Variants in DLC1 observed in about 807,000 individuals in gnomAD.
DLC1 encodes rho GTPase-activating protein 7.
Under a neutral mutation model 140.3 loss-of-function variants are expected in DLC1, and 54 were observed. That is an observed-to-expected ratio of 0.38 (90% confidence interval 0.31 to 0.48). The LOEUF (loss-of-function observed/expected upper bound fraction) is 0.48, where lower values mean the gene tolerates loss of function less well. DLC1 is among the 20% of genes least tolerant of loss of function. The probability of loss-of-function intolerance (pLI) is 0.96; values close to 1 mark genes in which losing one functional copy is unlikely to be tolerated. For synonymous variants in DLC1, 986 were observed against 728.1 expected, an observed-to-expected ratio of 1.35 and a Z score of -5.70; for missense variants, 2,536 against 1,907.0, an observed-to-expected ratio of 1.33 and a Z score of -6.14.
chr8:13,569,209 G>T (rs1804558289), intron 1 of DLC1, among the ~76,000 whole-genome samples: 1 of 152,120 alleles, frequency 6.6e-6, no homozygotes, highest in Admixed American at 6.5e-5. Flanking sequence ...GGAATTAGTG[G>T]CATTACCTGG....
chr8:13,192,593 A>G (rs1466021657), intron 5 of DLC1, among the ~76,000 whole-genome samples: 1 of 152,174 alleles, frequency 6.6e-6, no homozygotes, highest in Non-Finnish European at 1.5e-5. Flanking sequence ...TGTAATTTTC[A>G]TTAATGTTTT....
chr8:13,494,473 A>T (rs1801408551), intron 2 of DLC1, among the ~76,000 whole-genome samples: 1 of 152,088 alleles, frequency 6.6e-6, no homozygotes, highest in African/African-American at 2.4e-5. Flanking sequence ...CTTCCCACTG[A>T]CTTGAATGTA....
intron 5 of DLC1, among the ~76,000 whole-genome samples, chr8:13,205,833 T>C (rs960569818): frequency 6.6e-6 from 1 of 152,158 alleles, no homozygotes; most frequent in African/African-American, 2.4e-5. Context: ...AAAATAATAC[T>C]AATAAGTCAA....
chr8:13,160,898 G>T (rs754877243), intron 5 of DLC1, among the ~76,000 whole-genome samples: 1 of 152,100 alleles, frequency 6.6e-6, no homozygotes, highest in Non-Finnish European at 1.5e-5. Context: ...CCATCATGGC[G>T]GTGAAACCCC....
chr8:13,480,171 A>C (rs1485492542), intron 2 of DLC1, among the ~76,000 whole-genome samples: 2 of 152,204 alleles, frequency 1.3e-5, no homozygotes, highest in Non-Finnish European at 2.9e-5. Context: ...AATATCATCC[A>C]GTTTCTCAAG....
chr8:13,426,755 T>G (rs1329728445), intron 2 of DLC1, among the ~76,000 whole-genome samples: 3 of 151,896 alleles, frequency 2.0e-5, no homozygotes, highest in Non-Finnish European at 4.4e-5. Context: ...GTTCCTGTGT[T>G]TATAGTCCCA....
chr8:13,209,329 A>G (rs182666005), intron 5 of DLC1, among the ~76,000 whole-genome samples: 218 of 152,220 alleles, frequency 1.4e-3, no homozygotes, highest in African/African-American at 4.9e-3. Context: ...TATAATTTTC[A>G]CTATATAAAC....
intron 5 of DLC1, among the ~76,000 whole-genome samples, chr8:13,138,740 T>C (rs1487438308): frequency 2.0e-5 from 3 of 152,184 alleles, no homozygotes; most frequent in Non-Finnish European, 4.4e-5. Context: ...CAATCTGGGT[T>C]CTCCCCCTAC....
intron 2 of DLC1, among the ~76,000 whole-genome samples, chr8:13,426,027 G>C (rs1205789330): frequency 6.6e-6 from 1 of 152,108 alleles, no homozygotes; most frequent in Non-Finnish European, 1.5e-5. Flanking sequence ...TGCCCAGGCT[G>C]CTCTCGAACT....
chr8:13,330,131 A>T (rs990304122), intron 4 of DLC1, among the ~76,000 whole-genome samples: 3 of 152,010 alleles, frequency 2.0e-5, no homozygotes, highest in African/African-American at 7.3e-5. Flanking sequence ...TGTCTGGATA[A>T]TTTTAAATTT....
chr8:13,264,193 C>T (rs1247795926), intron 5 of DLC1, among the ~76,000 whole-genome samples: 4 of 151,886 alleles, frequency 2.6e-5, no homozygotes, highest in African/African-American at 9.7e-5. Flanking sequence ...CTCAGCCTCC[C>T]GAGTAGATGG....
At chr8:13,142,251 G>A (rs967935566) in intron 5 of DLC1, among the ~76,000 whole-genome samples, 3 of 152,178 alleles carry the variant, frequency 2.0e-5, no homozygotes, top group African/African-American at 7.2e-5. Context: ...TTTCTTTATA[G>A]CAGTGTGAAG....
chr8:13,092,852 C>A (rs550480715), intron 12 of DLC1, 27 bp from the exon 13 acceptor site: 6 of 1,600,040 alleles, frequency 3.7e-6, no homozygotes, highest in Admixed American at 3.4e-5. Flanking sequence ...CTTTCTCCAT[C>A]AGCTTGGTGA....
At chr8:13,364,003 G>A (rs1003108058) in intron 4 of DLC1, among the ~76,000 whole-genome samples, 1 of 152,146 alleles carries the variant, frequency 6.6e-6, no homozygotes, top group African/African-American at 2.4e-5. Flanking sequence ...GTTATAACTT[G>A]AGTGATAGCA....
chr8:13,201,755 T>C (rs1431934228), intron 5 of DLC1, among the ~76,000 whole-genome samples: 1 of 152,136 alleles, frequency 6.6e-6, no homozygotes, highest in Non-Finnish European at 1.5e-5. Context: ...AAACGCATCA[T>C]GAATGTGTAC....
In DLC1 at chr8:13,494,463, C is replaced by A. The variant is rs534113448; in HGVS notation, c.1023+4586G>T. Among the ~76,000 whole-genome samples the A allele has an allele frequency of 2.0e-5, 3 of 152,138 alleles. No individual in the cohort carries two copies. In the East Asian group the frequency reaches 5.8e-4, roughly 29 times the overall value. ...TGCGATCACCCCTGTAGCCTTTTGCCTTCCCACTGACTTGAATGTAGAGGA... is the reference window on the plus strand; with the variant it reads ...TGCGATCACCCCTGTAGCCTTTTGCATTCCCACTGACTTGAATGTAGAGGA... On this transcript the variant is annotated intron_variant, in intron 2 of 17. Coordinates refer to ENST00000276297, the MANE Select transcript of DLC1 (RefSeq NM_182643.3).
chr8:13,541,374 C>A (rs1803479155), intron 1 of DLC1, among the ~76,000 whole-genome samples: 1 of 152,142 alleles, frequency 6.6e-6, no homozygotes, highest in African/African-American at 2.4e-5. Context: ...AAGACACTGC[C>A]AAACTGTTCC....
chr8:13,354,948 G>A (rs1834854490), intron 4 of DLC1, among the ~76,000 whole-genome samples: 1 of 71,074 alleles, frequency 1.4e-5, no homozygotes, highest in African/African-American at 5.1e-5. Context: ...GTGAGACACT[G>A]GCTCAAAAAA....
chr8:13,581,429 C>G (rs890746306), intron 1 of DLC1, among the ~76,000 whole-genome samples: 1 of 152,184 alleles, frequency 6.6e-6, no homozygotes, highest in Non-Finnish European at 1.5e-5. Flanking sequence ...GAACTAATAT[C>G]TATCCATTCA....
Sources: allele counts gnomAD v4.1 joint callset (sites outside exome capture counted in the v4.1 genomes callset), GRCh38; gene constraint gnomAD v4.1.1; transcripts MANE v1.5; gene names NCBI Gene and HGNC (gene_info 2026-07-23, HGNC 2026-07-21).